GRHL2: variants seen among roughly 807,000 people sequenced by gnomAD.
GRHL2 encodes the protein grainyhead like transcription factor 2, also known as grainyhead-like protein 2 homolog.
Under a neutral mutation model 83.8 loss-of-function variants are expected in GRHL2, and 21 were observed. The observed-to-expected ratio is 0.25, with a 90% CI of 0.18 to 0.36. The LOEUF (loss-of-function observed/expected upper bound fraction) is 0.36. Ranked by LOEUF, GRHL2 falls within the 10% of genes least tolerant of loss-of-function variation. The pLI is 1.00. For synonymous variants in GRHL2, 280 were observed against 278.9 expected (o/e 1.00, Z -0.04); for missense variants, 623 against 781.8 (o/e 0.80, Z 2.42).
intron 10 of GRHL2, among the ~76,000 whole-genome samples, chr8:101,631,995 A>C (rs1432522762): frequency 2.0e-5 from 3 of 152,186 alleles, no homozygotes; most frequent in African/African-American, 7.2e-5. Context: ...TGGGTGCATG[A>C]AAGGACAGGA....
At chr8:101,654,525 T>A (rs1813743464) in intron 14 of GRHL2, among the ~76,000 whole-genome samples, 1 of 152,176 alleles carries the variant, frequency 6.6e-6, no homozygotes, top group South Asian at 2.1e-4. Flanking sequence ...CAGGTGTTAT[T>A]TAGGTGTAAA....
At chr8:101,493,775 A>G (rs1003987140) in intron 1 of GRHL2, among the ~76,000 whole-genome samples, 1 of 151,868 alleles carries the variant, frequency 6.6e-6, no homozygotes, top group African/African-American at 2.4e-5. Context: ...CCCGTCCCGG[A>G]CAGGCACTCC....
At chr8:101,566,030 G>T (rs1811710361) in intron 4 of GRHL2, among the ~76,000 whole-genome samples, 1 of 152,112 alleles carries the variant, frequency 6.6e-6, no homozygotes, top group Non-Finnish European at 1.5e-5. Context: ...TTGACAGCTG[G>T]TAGTCCATTA....
chr8:101,669,708 TCATAA>T lies in GRHL2; in HGVS notation c.*3011_*3015del, dbSNP rs1232638953. On this transcript the variant is annotated 3_prime_UTR_variant, in exon 16 of 16. Transcript: ENST00000646743. ...ATTTTTAAGGAGAAAAAATAAATATTCATAACATAAGAGTAAAACAACAGTGTCTG... is the reference window on the plus strand; with the variant it reads ...ATTTTTAAGGAGAAAAAATAAATATTCATAAGAGTAAAACAACAGTGTCTG... 8 of 152,312 alleles carry T rather than the reference TCATAA, an allele frequency of 5.3e-5. No individual in the cohort carries two copies. The highest frequency in any genetic ancestry group is 1.2e-4 in the African/African-American group (5 of 41,378). The allele number at this position is 152,312 out of a possible 1,614,324, so 9.4% of individuals were successfully genotyped here. A position where few individuals can be genotyped will look rare whatever the true frequency, so the allele number is the denominator to read the frequency against.
At chr8:101,647,058 G>C (rs1386433669) in intron 13 of GRHL2, among the ~76,000 whole-genome samples, 1 of 152,326 alleles carries the variant, frequency 6.6e-6, no homozygotes, top group South Asian at 2.1e-4. Flanking sequence ...GAGGAGATTT[G>C]TAAATCCAGT....
chr8:101,518,295 C>T (rs1319490449), intron 1 of GRHL2, among the ~76,000 whole-genome samples: 4 of 152,124 alleles, frequency 2.6e-5, no homozygotes, highest in African/African-American at 4.8e-5. Flanking sequence ...ACCTGTAATC[C>T]CAGCTACTTG....
chr8:101,664,914 G>C (rs977597352), intron 15 of GRHL2, among the ~76,000 whole-genome samples: 1 of 152,092 alleles, frequency 6.6e-6, no homozygotes, highest in Non-Finnish European at 1.5e-5. Flanking sequence ...TGGAACATAG[G>C]GGATTCCTCT....
chr8:101,604,264 C>A (rs1318358793), intron 8 of GRHL2, among the ~76,000 whole-genome samples: 1 of 152,030 alleles, frequency 6.6e-6, no homozygotes, highest in Non-Finnish European at 1.5e-5. Flanking sequence ...GAGGAATTCC[C>A]ACGCAAGACC....
intron 5 of GRHL2, among the ~76,000 whole-genome samples, chr8:101,571,928 C>T (rs1265037518): frequency 6.6e-6 from 1 of 152,188 alleles, no homozygotes; most frequent in African/African-American, 2.4e-5. Context: ...GAGCAAGGAC[C>T]TACCAGTGAC....
At chr8:101,629,053 T>C (rs1318595632) in intron 9 of GRHL2, among the ~76,000 whole-genome samples, 1 of 152,198 alleles carries the variant, frequency 6.6e-6, no homozygotes, top group Non-Finnish European at 1.5e-5. Context: ...CTTGGGAGGA[T>C]TGATTCCGAT....
intron 9 of GRHL2, among the ~76,000 whole-genome samples, chr8:101,630,065 A>G (rs1312689227): frequency 6.6e-6 from 1 of 152,216 alleles, no homozygotes; most frequent in Non-Finnish European, 1.5e-5. Context: ...GCATAATTAA[A>G]TGATCTGGTT....
chr8:101,529,038 C>T (rs1245916081), intron 1 of GRHL2: 3 of 383,616 alleles, frequency 7.8e-6, no homozygotes, highest in Non-Finnish European at 1.5e-5. Context: ...CCACTTTCTT[C>T]TCTGCTTCCA....
rs77045959 is a variant in GRHL2, at chr8:101,612,693, T to G, written c.1099-6846T>G. Among the ~76,000 whole-genome samples, 1,170 of 151,118 alleles carry G rather than the reference T, an allele frequency of 7.7e-3. 27 individuals carry two copies. Among genetic ancestry groups the G allele is most frequent in the Non-Finnish European group, 7.3e-3 (495 of 68,014 alleles). On this transcript the variant is annotated intron_variant, in intron 8 of 15. Transcript: ENST00000646743. ...CAGCTACTCATATTAATCTCTGCTC[T>G]TAGGAGGTATTGTTTATGAAAGCAA...
intron 8 of GRHL2, among the ~76,000 whole-genome samples, chr8:101,613,508 G>C (rs952934308): frequency 1.3e-5 from 2 of 150,866 alleles, no homozygotes; most frequent in Admixed American, 6.6e-5. Context: ...ATCACTATTT[G>C]ATGAATACAT....
chr8:101,616,256 C>T (rs1812855804), intron 8 of GRHL2, among the ~76,000 whole-genome samples: 1 of 151,734 alleles, frequency 6.6e-6, no homozygotes, highest in Non-Finnish European at 1.5e-5. Flanking sequence ...CTGCAAACTC[C>T]ACCTCCCAGG....
At chr8:101,536,316 G>A (rs941398605) in intron 1 of GRHL2, among the ~76,000 whole-genome samples, 2 of 152,134 alleles carry the variant, frequency 1.3e-5, no homozygotes, top group Non-Finnish European at 2.9e-5. Flanking sequence ...CCTTCAATAT[G>A]GATCAAAGAG....
chr8:101,659,605 C>T (rs565965120), intron 14 of GRHL2, among the ~76,000 whole-genome samples: 3 of 152,304 alleles, frequency 2.0e-5, no homozygotes, highest in Admixed American at 1.3e-4. Context: ...AGCAAATCTT[C>T]GCTCAGAGCC....
intron 4 of GRHL2, chr8:101,562,158 C>G: frequency 1.6e-6 from 1 of 630,520 alleles, no homozygotes; most frequent in Non-Finnish European, 3.0e-6. Context: ...TTTCTTCGAT[C>G]TGTTCATTAT....
rs142274354 is a variant in GRHL2 at position 101,528,357 on chromosome 8, T to C, written c.21-14884T>C. ...AAAAATCATGTAACTTGTTTTGTGG[T>C]TCTTGGTTTCTAGTAGCCTGTGCTT... On this transcript the variant is annotated intron_variant, in intron 1 of 15. Coordinates refer to ENST00000646743, the MANE Select transcript of GRHL2 (RefSeq NM_024915.4). Among the ~76,000 whole-genome samples the C allele has an allele frequency of 3.5e-3, 538 of 152,268 alleles. 2 individuals are homozygous for C. In the Middle Eastern group the frequency reaches 0.054, roughly 15 times the overall value.
Sources: allele counts gnomAD v4.1 joint callset (sites outside exome capture counted in the v4.1 genomes callset), GRCh38; gene constraint gnomAD v4.1.1; transcripts MANE v1.5; gene names NCBI Gene and HGNC (gene_info 2026-07-23, HGNC 2026-07-21).